CFAP100: variants seen among roughly 807,000 people sequenced by gnomAD.
CFAP100 encodes cilia and flagella associated protein 100.
In CFAP100, 70 loss-of-function variants were observed where a neutral mutation model predicts 81.5. The ratio of observed to expected loss-of-function variants is 0.86; its 90% CI spans 0.71 to 1.05. CFAP100 has a LOEUF of 1.05. Among genes scored for constraint, CFAP100 ranks in the 50% least tolerant of loss-of-function variants. The pLI is 0.00. For missense variants in CFAP100, 811 were observed against 776.5 expected (o/e 1.04, Z -0.53); for synonymous variants, 341 against 314.8 (o/e 1.08, Z -0.88).
intron 13 of CFAP100, among the ~76,000 whole-genome samples, chr3:126,425,672 T>A (rs1045034567): frequency 6.6e-6 from 1 of 152,146 alleles, no homozygotes; most frequent in African/African-American, 2.4e-5. Context: ...CTCAACAAAA[T>A]ATTAGCAAAT....
At chr3:126,414,524 C>G (rs1419277864) in intron 4 of CFAP100, among the ~76,000 whole-genome samples, 1 of 152,230 alleles carries the variant, frequency 6.6e-6, no homozygotes, top group Non-Finnish European at 1.5e-5. Flanking sequence ...TCCTCCAAGG[C>G]CCAGCTCAGC....
intron 2 of CFAP100, among the ~76,000 whole-genome samples, chr3:126,398,225 C>G (rs1285272770): frequency 6.6e-6 from 1 of 152,212 alleles, no homozygotes. Context: ...GGAGCTCTGG[C>G]CCTGCACCCT....
At chr3:126,414,222 T>C in intron 4 of CFAP100, 43 bp downstream of exon 4, 1 of 1,359,836 alleles carries the variant, frequency 7.4e-7, no homozygotes, top group Non-Finnish European at 1.1e-6. Flanking sequence ...GGAGCTTCCC[T>C]GCTCCCACTG....
At chr3:126,418,334 T>C (rs1425592091) in intron 5 of CFAP100, 124 bp from the exon 6 acceptor site, 4 of 761,222 alleles carry the variant, frequency 5.3e-6, no homozygotes, top group African/African-American at 1.7e-5. Context: ...ATGGTCCCGG[T>C]AGTCACCTGG....
At chr3:126,402,625 T>C (rs1201231492) in intron 2 of CFAP100, among the ~76,000 whole-genome samples, 2 of 151,446 alleles carry the variant, frequency 1.3e-5, no homozygotes, top group African/African-American at 2.4e-5. Context: ...GGGCTCTGGA[T>C]TGGGTGGTTT....
intron 4 of CFAP100, 68 bp downstream of exon 4, chr3:126,414,247 C>T: frequency 9.0e-7 from 1 of 1,106,332 alleles, no homozygotes; most frequent in Non-Finnish European, 1.4e-6. Flanking sequence ...CTGGAGTGGC[C>T]ACATTGCCCT....
At chr3:126,428,386 A>G (rs932752763) in intron 13 of CFAP100, among the ~76,000 whole-genome samples, 4 of 152,184 alleles carry the variant, frequency 2.6e-5, no homozygotes, top group Non-Finnish European at 5.9e-5. Flanking sequence ...GAGAAAGCAC[A>G]CAGCATTTGC....
At chr3:126,400,768 A>AAAAGT (rs1028184300) in intron 2 of CFAP100, among the ~76,000 whole-genome samples, 5 of 152,102 alleles carry the variant, frequency 3.3e-5, no homozygotes, top group African/African-American at 9.7e-5. Context: ...AAAAGAAAAG[A>AAAAGT]AAAGAAAAAT....
intron 4 of CFAP100, among the ~76,000 whole-genome samples, chr3:126,414,781 T>TG (rs1412168098): frequency 2.6e-5 from 4 of 152,236 alleles, no homozygotes; most frequent in Non-Finnish European, 5.9e-5. Flanking sequence ...AGCCCACTCT[T>TG]GCTGCCTTGG....
intron 16 of CFAP100, 149 bp from the exon 17 acceptor site, chr3:126,436,140 CAG>C (rs1933436036): frequency 2.5e-5 from 15 of 603,972 alleles, no homozygotes; most frequent in South Asian, 1.4e-4. Flanking sequence ...CCAGTTATTT[CAG>C]AGTTAACTCC....
rs1184309160 is a variant in CFAP100, at chr3:126,394,942, G to T, written c.-96G>T. On this transcript the variant is annotated 5_prime_UTR_variant, in exon 1 of 17. Coordinates refer to ENST00000352312, the MANE Select transcript of CFAP100 (RefSeq NM_182628.3). ...TGCTCCTGGAGCTGAGAACTGCAGCGCGGAGGCTTCGGAGCGAGCCGGGGC... is the reference window on the plus strand; with the variant it reads ...TGCTCCTGGAGCTGAGAACTGCAGCTCGGAGGCTTCGGAGCGAGCCGGGGC... The T allele has an allele frequency of 6.6e-6, 1 of 152,326 alleles. No individual in the cohort carries two copies. The highest frequency in any genetic ancestry group is 1.5e-5 in the Non-Finnish European group (1 of 68,104). 9.4% of individuals were successfully genotyped at this position (152,326 alleles called of 1,614,324 possible). A position where few individuals can be genotyped will look rare whatever the true frequency, so the allele number is the denominator to read the frequency against.
chr3:126,430,087 TTTTATC>T (rs1305734113), intron 13 of CFAP100, among the ~76,000 whole-genome samples: 1 of 152,236 alleles, frequency 6.6e-6, no homozygotes, highest in Non-Finnish European at 1.5e-5. Flanking sequence ...ATCAAAATCT[TTTTATC>T]TTTGACTCTA....
rs766825044 is a variant in CFAP100, at chr3:126,423,459, C to G, written c.1135-34C>G. On this transcript the variant is annotated intron_variant, in intron 12 of 16. Coordinates refer to ENST00000352312, the MANE Select transcript of CFAP100 (RefSeq NM_182628.3). ...CACCCCTGCCCCTCTGGCTCTGTCCCTGTCCAGTCCCTGCCAAAACCTGTG... is the reference window on the plus strand; with the variant it reads ...CACCCCTGCCCCTCTGGCTCTGTCCGTGTCCAGTCCCTGCCAAAACCTGTG... 3.1e-6 allele frequency: 5 copies of G among 1,613,164 alleles called. No homozygotes were observed. In the African/African-American group the frequency reaches 6.7e-5, roughly 22 times the overall value.
rs771764804 is a variant in CFAP100, at chr3:126,414,107, G to A, written c.153G>A (p.Ala51=). 38 of 1,613,846 alleles carry A rather than the reference G, an allele frequency of 2.4e-5. No homozygotes were observed. The highest frequency in any genetic ancestry group is 1.8e-4 in the South Asian group (16 of 91,072). The change falls in exon 4 of 17, where the codon GCG becomes GCA. Residue 51 remains alanine, a synonymous_variant. Transcript: ENST00000352312. The stretch of plus-strand genomic sequence containing the variant: ...CAGAACATGGTCCTGACCCTTCAGC[G>A]AACCCTTTCCACTTATCTGGGGATG... ...KNEEHGPDPS[A]NPFHLSGDVD...
intron 14 of CFAP100, 71 bp downstream of exon 14, chr3:126,433,275 C>A: frequency 1.3e-6 from 2 of 1,567,938 alleles, no homozygotes; most frequent in Admixed American, 3.5e-5. Context: ...TGGAGGAGCC[C>A]TGACAGCCCT....
intron 2 of CFAP100, among the ~76,000 whole-genome samples, chr3:126,402,914 G>A (rs565832727): frequency 6.6e-6 from 1 of 152,176 alleles, no homozygotes; most frequent in South Asian, 2.1e-4. Context: ...AGGTGGCAGG[G>A]GCGGATGGGT....
chr3:126,435,309 C>A (rs1213890279), intron 15 of CFAP100, among the ~76,000 whole-genome samples: 3 of 152,136 alleles, frequency 2.0e-5, no homozygotes, highest in Non-Finnish European at 2.9e-5. Context: ...TCAGCCCTTG[C>A]AGGAGGCCAG....
rs1219467349 is a variant in CFAP100, at chr3:126,420,546, G to A, written c.1082+317G>A. On this transcript the variant is annotated intron_variant, in intron 11 of 16. Transcript: ENST00000352312. Reference sequence around the variant, plus strand: ...CCCCTGGTTGTCTGGTCCTGGCCCTGGGGGGATAGGTACTGAGTGTGAAAG... The same window carrying A: ...CCCCTGGTTGTCTGGTCCTGGCCCTAGGGGGATAGGTACTGAGTGTGAAAG... The A allele has an allele frequency of 1.0e-5, 4 of 391,136 alleles. No individual in the cohort carries two copies. The Admixed American group carries it at 1.7e-4, about 16-fold the overall frequency. 24.2% of individuals were successfully genotyped at this position (391,136 alleles called of 1,614,324 possible). A position where few individuals can be genotyped will look rare whatever the true frequency, so the allele number is the denominator to read the frequency against.
At chr3:126,427,050 G>C (rs982523259) in intron 13 of CFAP100, among the ~76,000 whole-genome samples, 10 of 152,324 alleles carry the variant, frequency 6.6e-5, no homozygotes, top group African/African-American at 2.4e-4. Context: ...GGGATAGGAA[G>C]GCTCAGTATT....
Sources: gnomAD v4.1 joint callset for allele counts (sites outside exome capture counted in the v4.1 genomes callset) on GRCh38, gnomAD v4.1.1 for gene constraint, MANE v1.5 for transcripts, NCBI Gene and HGNC (gene_info 2026-07-23, HGNC 2026-07-21) for gene names.